The following UBAP1 variants were observed in gnomAD, a reference collection of about 807,000 sequenced individuals.
The protein encoded by UBAP1 is ubiquitin-associated protein 1.
UBAP1 carries 5 observed loss-of-function variants against 39.0 expected under a neutral mutation model. That is an observed-to-expected ratio of 0.13 (90% CI 0.07 to 0.27). The LOEUF (loss-of-function observed/expected upper bound fraction) is 0.27, where lower values mean the gene tolerates loss of function less well. Among genes scored for constraint, UBAP1 ranks in the 10% least tolerant of loss-of-function variants. The probability of loss-of-function intolerance (pLI) is 1.00; values close to 1 mark genes in which losing one functional copy is unlikely to be tolerated. For synonymous variants in UBAP1, 211 were observed against 225.1 expected (o/e 0.94, Z 0.56); for missense variants, 490 against 608.1 (o/e 0.81, Z 2.04).
At chr9:34,185,622 G>C (rs531203578) in intron 1 of UBAP1, among the ~76,000 whole-genome samples, 1 of 152,192 alleles carries the variant, frequency 6.6e-6, no homozygotes, top group East Asian at 1.9e-4. Flanking sequence ...CAGGCAGGTG[G>C]ATCACCTGAG....
At chr9:34,181,154 G>A (rs1217042387) in intron 1 of UBAP1, among the ~76,000 whole-genome samples, 2 of 89,548 alleles carry the variant, frequency 2.2e-5, no homozygotes, top group African/African-American at 3.8e-5. Flanking sequence ...TTCGCTCTGT[G>A]CCCAGGCTGG....
chr9:34,228,831 T>C (rs1833254403), intron 2 of UBAP1, among the ~76,000 whole-genome samples: 1 of 151,882 alleles, frequency 6.6e-6, no homozygotes, highest in African/African-American at 2.4e-5. Context: ...TCTATCCGCC[T>C]TGGCCTCCCA....
chr9:34,235,148 T>C (rs1004722291), intron 3 of UBAP1, among the ~76,000 whole-genome samples: 2 of 151,856 alleles, frequency 1.3e-5, no homozygotes, highest in Admixed American at 1.3e-4. Context: ...TAAAGAAAAA[T>C]GTTTTGGAAG....
chr9:34,216,254 A>G (rs927133863), intron 1 of UBAP1, among the ~76,000 whole-genome samples: 2 of 151,956 alleles, frequency 1.3e-5, no homozygotes, highest in Non-Finnish European at 2.9e-5. Flanking sequence ...GAAATTAACC[A>G]TGTTAAAATG....
At chr9:34,182,671 C>CTTTCTCTTTTTCT (rs1554645026) in intron 1 of UBAP1, among the ~76,000 whole-genome samples, 2 of 87,946 alleles carry the variant, frequency 2.3e-5, no homozygotes, top group African/African-American at 4.3e-5. Flanking sequence ...TTCTTTCTTT[C>CTTTCTCTTTTTCT]TTTCTTTCTT....
intron 1 of UBAP1, among the ~76,000 whole-genome samples, chr9:34,181,767 A>C (rs1830053837): frequency 6.7e-6 from 1 of 149,694 alleles, no homozygotes; most frequent in South Asian, 2.1e-4. Context: ...CAAAGGAAAA[A>C]AATTAAACTC....
At chr9:34,229,189 G>A (rs1833274492) in intron 2 of UBAP1, among the ~76,000 whole-genome samples, 1 of 151,614 alleles carries the variant, frequency 6.6e-6, no homozygotes. Context: ...GTTTGTCAGT[G>A]TATATCACAC....
chr9:34,190,453 C>A (rs1395435527), intron 1 of UBAP1, among the ~76,000 whole-genome samples: 2 of 151,770 alleles, frequency 1.3e-5, no homozygotes, highest in Non-Finnish European at 2.9e-5. Context: ...CCATGCCTGG[C>A]TAAATTTTTT....
chr9:34,207,644 TTTC>T (rs1273529631), intron 1 of UBAP1, among the ~76,000 whole-genome samples: 3 of 148,014 alleles, frequency 2.0e-5, no homozygotes, highest in Non-Finnish European at 4.5e-5. Flanking sequence ...TTCTCTTATA[TTTC>T]TTTTTATTTA....
rs1193356334 is a variant in UBAP1 at position 34,181,116 on chromosome 9, C to CTTTCTTTTTTTTTTTTTT, written c.-8+1879_-8+1880insCTTTTTTTTTTTTTTTTT. On this transcript the variant is annotated intron_variant, in intron 1 of 6. Coordinates refer to ENST00000297661, the MANE Select transcript of UBAP1 (RefSeq NM_016525.5). ...TGAGCCACCGCACCCGGCCTGTTTTCTTTTTTTTTTTTTTTTTGAGACAGA... is the reference window on the plus strand; with the variant it reads ...TGAGCCACCGCACCCGGCCTGTTTTCTTTCTTTTTTTTTTTTTTTTTTTTTTTTTTTTTTTGAGACAGA... Among the ~76,000 whole-genome samples, 5 of 72,274 alleles carry CTTTCTTTTTTTTTTTTTT rather than the reference C, an allele frequency of 6.9e-5. 1 individual carries two copies. The highest frequency in any genetic ancestry group is 1.0e-4 in the Non-Finnish European group (4 of 39,226). 47.4% of individuals were successfully genotyped at this position (72,274 alleles called of 152,430 possible). A position where few individuals can be genotyped will look rare whatever the true frequency, so the allele number is the denominator to read the frequency against.
At chr9:34,217,549 GTTTTTTTAA>G (rs1832396831) in intron 1 of UBAP1, among the ~76,000 whole-genome samples, 1 of 150,968 alleles carries the variant, frequency 6.6e-6, no homozygotes, top group African/African-American at 2.4e-5. Flanking sequence ...GGCGGTGGTG[GTTTTTTTAA>G]TTTTTTTAAT....
At chr9:34,248,038 T>TA (rs1398177327) in intron 4 of UBAP1, among the ~76,000 whole-genome samples, 14 of 149,030 alleles carry the variant, frequency 9.4e-5, no homozygotes, top group African/African-American at 3.2e-4. Context: ...TTAAAATAGA[T>TA]ACGATTTTTT....
chr9:34,197,205 T>C (rs567241604), intron 1 of UBAP1, among the ~76,000 whole-genome samples: 1 of 151,348 alleles, frequency 6.6e-6, no homozygotes, highest in African/African-American at 2.4e-5. Flanking sequence ...GAATTACAGA[T>C]GTGAGCCACT....
rs1833565268 is a variant in UBAP1 at position 34,234,147 on chromosome 9, A to G, written c.35-69A>G. The G allele has an allele frequency of 2.0e-6, 3 of 1,499,424 alleles. No individual in the cohort carries two copies. The South Asian group carries it at 4.0e-5, about 20-fold the overall frequency. 92.9% of individuals were successfully genotyped at this position (1,499,424 alleles called of 1,614,324 possible). On this transcript the variant is annotated intron_variant, in intron 2 of 6. Transcript: ENST00000297661. ...GCAAAAATTAATGCATATCCGTTAG[A>G]CATAAGATTATGGCAAAACAAATAA...
chr9:34,235,361 C>T (rs1051776299), intron 3 of UBAP1, among the ~76,000 whole-genome samples: 11 of 150,772 alleles, frequency 7.3e-5, no homozygotes, highest in Non-Finnish European at 1.3e-4. Context: ...TTTTTTGAGA[C>T]GGAGTCTCAC....
At chr9:34,181,116 C>CTTTTTTTTTTTTTTTTTTTT (rs67856544) in intron 1 of UBAP1, among the ~76,000 whole-genome samples, 74 of 72,270 alleles carry the variant, frequency 1.0e-3, no homozygotes, top group Non-Finnish European at 1.2e-3. Context: ...GGCCTGTTTT[C>CTTTTTTTTTTTTTTTTTTTT]TTTTTTTTTT....
In UBAP1 at chr9:34,179,141, T is replaced by C; in HGVS notation, c.-107T>C. On this transcript the variant is annotated 5_prime_UTR_variant, in exon 1 of 7. Coordinates refer to ENST00000297661, the MANE Select transcript of UBAP1 (RefSeq NM_016525.5). ...GAGTTGGAGGTGGTGGCGTTCGCTC[T>C]CCCTAGGGGCTGTCGGGAGCTCAGC... 1.6e-6 allele frequency: 2 copies of C among 1,256,482 alleles called. No individual in the cohort carries two copies. Among genetic ancestry groups the C allele is most frequent in the Non-Finnish European group, 1.0e-6 (1 of 998,332 alleles). The allele number at this position is 1,256,482 out of a possible 1,614,324, so 77.8% of individuals were successfully genotyped here.
chr9:34,231,504 C>T (rs953309390), intron 2 of UBAP1, among the ~76,000 whole-genome samples: 9 of 151,946 alleles, frequency 5.9e-5, no homozygotes, highest in African/African-American at 9.7e-5. Context: ...CCACCGGTCC[C>T]GGCCAAAAGC....
At chr9:34,242,350 G>A (rs1180662981) in intron 4 of UBAP1, among the ~76,000 whole-genome samples, 1 of 152,090 alleles carries the variant, frequency 6.6e-6, no homozygotes, top group Admixed American at 6.6e-5. Context: ...GTTTTGACAC[G>A]TTGCCCAGGC....
Sources: gnomAD v4.1 joint callset for allele counts (sites outside exome capture counted in the v4.1 genomes callset) on GRCh38, gnomAD v4.1.1 for gene constraint, MANE v1.5 for transcripts, NCBI Gene and HGNC (gene_info 2026-07-23, HGNC 2026-07-21) for gene names.